The following ELOF1 variants were observed in gnomAD, a reference collection of about 807,000 sequenced individuals.
The protein encoded by ELOF1 is transcription elongation factor 1 homolog.
In ELOF1, 4 loss-of-function variants were observed where a neutral mutation model predicts 7.1. That is an observed-to-expected ratio of 0.56 (90% confidence interval 0.28 to 1.29). The LOEUF (loss-of-function observed/expected upper bound fraction) is 1.29. ELOF1 is among the 50% of genes most tolerant of loss of function. ELOF1 has a pLI of 0.10. For synonymous variants in ELOF1, 31 were observed against 31.9 expected, an observed-to-expected ratio of 0.97 and a Z score of 0.09; for missense variants, 59 against 86.3, an observed-to-expected ratio of 0.68 and a Z score of 1.25.
At chr19:11,554,611 T>G (rs1972800882) in intron 1 of ELOF1, 5 of 524,714 alleles carry the variant, frequency 9.5e-6, no homozygotes, top group Non-Finnish European at 1.6e-5. Flanking sequence ...GCAGGTTATT[T>G]AAGCTCTTTG....
intron 2 of ELOF1, 37 bp from the exon 3 acceptor site, chr19:11,554,118 C>T (rs1047767287): frequency 5.0e-6 from 8 of 1,614,112 alleles, no homozygotes; most frequent in African/African-American, 1.3e-5. Flanking sequence ...GTGAGCAATG[C>T]GTCCTGGGCC....
chr19:11,558,606 C>G (rs1972868000), intron 1 of ELOF1, among the ~76,000 whole-genome samples: 1 of 151,652 alleles, frequency 6.6e-6, no homozygotes, highest in African/African-American at 2.4e-5. Context: ...AGCCTTGAGT[C>G]TGTAGTCCCA....
At chr19:11,558,403 A>G (rs1972864478) in intron 1 of ELOF1, among the ~76,000 whole-genome samples, 1 of 151,974 alleles carries the variant, frequency 6.6e-6, no homozygotes, top group African/African-American at 2.4e-5. Context: ...AGCATGAGCC[A>G]CCGTGCCCAG....
chr19:11,553,165 G>A, intron 3 of ELOF1: 1 of 400,824 alleles, frequency 2.5e-6, no homozygotes, highest in East Asian at 3.6e-5. Context: ...TGGGGAGGGG[G>A]GCGGCTCCCT....
At chr19:11,557,261 T>C (rs1341468689) in intron 1 of ELOF1, among the ~76,000 whole-genome samples, 2 of 152,122 alleles carry the variant, frequency 1.3e-5, no homozygotes, top group African/African-American at 2.4e-5. Context: ...GCTAGTCTCC[T>C]ATGCTCCTGC....
intron 1 of ELOF1, among the ~76,000 whole-genome samples, chr19:11,557,363 AG>A (rs946975184): frequency 6.6e-6 from 1 of 152,134 alleles, no homozygotes; most frequent in Admixed American, 6.6e-5. Context: ...TGGGAGGCCA[AG>A]GTGGGCAGAT....
At chr19:11,553,482 C>T in intron 3 of ELOF1, 1 of 589,696 alleles carries the variant, frequency 1.7e-6, no homozygotes, top group Non-Finnish European at 3.0e-6. Context: ...GAACCCGACA[C>T]CACCGCGTAC....
At chr19:11,554,632 T>G in intron 1 of ELOF1, 1 of 494,658 alleles carries the variant, frequency 2.0e-6, no homozygotes, top group Non-Finnish European at 3.5e-6. Flanking sequence ...TGCCACAGTT[T>G]CCTCGTCTAT....
At chr19:11,554,143 C>T in intron 2 of ELOF1, 62 bp from the exon 3 acceptor site, 1 of 1,613,970 alleles carries the variant, frequency 6.2e-7, no homozygotes, top group Non-Finnish European at 8.5e-7. Context: ...GGTGATGACG[C>T]CTTCACCAAG....
At chr19:11,553,538 A>C (rs1236271237) in intron 3 of ELOF1, 4 of 642,022 alleles carry the variant, frequency 6.2e-6, no homozygotes, top group Non-Finnish European at 1.1e-5. Flanking sequence ...GTGCAGCCAC[A>C]CACACCCACA....
chr19:11,553,804 G>A, intron 3 of ELOF1: 3 of 1,614,194 alleles, frequency 1.9e-6, no homozygotes, highest in Non-Finnish European at 8.5e-7. Context: ...CACGGGTTCT[G>A]ACAGATCTGG....
rs112322829 is a variant in ELOF1 at position 11,554,215 on chromosome 19, C to T, written c.116+17G>A. The stretch of plus-strand genomic sequence containing the variant: ...GGCAGTGGGGAGGCTGGATCCCTTG[C>T]CCTGTTCCCCACTCACATTTTCACA... On this transcript the variant is annotated intron_variant, in intron 2 of 3. Transcript: ENST00000586683. 1.2e-6 allele frequency: 2 copies of T among 1,612,934 alleles called. No individual in the cohort carries two copies. Among genetic ancestry groups the T allele is most frequent in the Non-Finnish European group, 1.7e-6 (2 of 1,179,184 alleles).
intron 3 of ELOF1, chr19:11,553,112 T>C: frequency 5.0e-6 from 2 of 401,348 alleles, no homozygotes; most frequent in Non-Finnish European, 8.8e-6. Context: ...CCTTGCTTCC[T>C]CTACAAAAGC....
At position 11,554,439 on chromosome 19, in the gene ELOF1, C is replaced by G. The variant is rs964465679; in HGVS notation, c.-18-74G>C. The G allele has an allele frequency of 4.3e-5, 67 of 1,551,588 alleles. No individual in the cohort carries two copies. The Admixed American group carries it at 1.3e-3, about 30-fold the overall frequency. ...CCAGCTCAATGCTCTAGAAAGCAGGCCGGAAAGAGGGTCTGGGACTTGCAC... is the reference window on the plus strand; with the variant it reads ...CCAGCTCAATGCTCTAGAAAGCAGGGCGGAAAGAGGGTCTGGGACTTGCAC... On this transcript the variant is annotated intron_variant, in intron 1 of 3. Coordinates refer to ENST00000586683, the Ensembl canonical transcript of ELOF1.
intron 1 of ELOF1, chr19:11,555,869 G>A (rs1024274068): frequency 6.5e-6 from 1 of 153,082 alleles, no homozygotes; most frequent in African/African-American, 2.4e-5. Flanking sequence ...CATGGCGGCA[G>A]AGTGAGTGAG....
chr19:11,556,058 T>A (rs933219610), intron 1 of ELOF1, among the ~76,000 whole-genome samples: 2 of 151,770 alleles, frequency 1.3e-5, no homozygotes, highest in Non-Finnish European at 2.9e-5. Context: ...AGGAGGCAGG[T>A]GGGTGGGGAA....
chr19:11,554,592 G>A (rs1377779698), intron 1 of ELOF1: 4 of 580,184 alleles, frequency 6.9e-6, no homozygotes, highest in Non-Finnish European at 1.2e-5. Flanking sequence ...CACTTACTGC[G>A]TGACCTGGGC....
intron 3 of ELOF1, chr19:11,553,393 C>A (rs1972759673): frequency 8.6e-6 from 4 of 463,250 alleles, no homozygotes; most frequent in Non-Finnish European, 1.5e-5. Context: ...AGCCCCAAGG[C>A]TGGGGGGCCA....
chr19:11,555,779 T>A (rs1180757168), intron 1 of ELOF1: 3 of 152,630 alleles, frequency 2.0e-5, no homozygotes, highest in Non-Finnish European at 4.4e-5. Context: ...GTGTGAGCCA[T>A]AATCTGGATG....
Sources: allele counts gnomAD v4.1 joint callset (sites outside exome capture counted in the v4.1 genomes callset), GRCh38; gene constraint gnomAD v4.1.1; transcripts MANE v1.5; gene names NCBI Gene and HGNC (gene_info 2026-07-23, HGNC 2026-07-21).